MANBA: variants seen among roughly 807,000 people sequenced by gnomAD.
MANBA encodes the protein beta-mannosidase.
Under a neutral mutation model 111.1 loss-of-function variants are expected in MANBA, and 83 were observed. The ratio of observed to expected loss-of-function variants is 0.75; its 90% CI spans 0.63 to 0.90. The LOEUF (loss-of-function observed/expected upper bound fraction) is 0.90. MANBA is among the 40% of genes least tolerant of loss of function. The probability of loss-of-function intolerance (pLI) is 0.00; values close to 1 mark genes in which losing one functional copy is unlikely to be tolerated. For missense variants in MANBA, 1,036 were observed against 1,069.0 expected (o/e 0.97, Z 0.43); for synonymous variants, 370 against 378.7 (o/e 0.98, Z 0.27).
chr4:102,669,021 G>A lies in MANBA; in HGVS notation c.1259C>T (p.Ala420Val). 1 of 1,613,452 alleles carries A rather than the reference G, an allele frequency of 6.2e-7. No homozygotes were observed. The highest frequency in any genetic ancestry group is 8.5e-7 in the Non-Finnish European group (1 of 1,179,678). ...GAAGCCCTGATCAGTTGGATAAAGG[G>A]CACAGGCAAACATAAAATCCTGCCA... is the stretch of plus-strand genomic sequence containing the variant. ...MVWQDFMFAC[A>V]LYPTDQGFLD... The change falls in exon 10 of 17, where the codon GCC (alanine) becomes GTC (valine). Residue 420 changes from alanine to valine, a missense_variant. Coordinates refer to ENST00000647097, the MANE Select transcript of MANBA (RefSeq NM_005908.4).
intron 13 of MANBA, among the ~76,000 whole-genome samples, chr4:102,644,592 T>A (rs1286715939): frequency 6.6e-6 from 1 of 151,668 alleles, no homozygotes; most frequent in Non-Finnish European, 1.5e-5. Flanking sequence ...AAGCACAGAG[T>A]AGAATGGTGG....
intron 15 of MANBA, 140 bp downstream of exon 15, chr4:102,635,725 T>C (rs1729595496): frequency 7.3e-6 from 6 of 826,084 alleles, no homozygotes; most frequent in Non-Finnish European, 1.1e-5. Context: ...ACATGATTAA[T>C]GGCAGGGTTG....
At chr4:102,718,247 G>A (rs149424794) in intron 4 of MANBA, among the ~76,000 whole-genome samples, 28 of 152,318 alleles carry the variant, frequency 1.8e-4, no homozygotes, top group East Asian at 5.8e-4. Context: ...TCACAAGTGC[G>A]GTGTGGCGCA....
chr4:102,657,362 G>A (rs962847874), intron 12 of MANBA, among the ~76,000 whole-genome samples: 5 of 152,118 alleles, frequency 3.3e-5, no homozygotes, highest in Middle Eastern at 3.4e-3. Flanking sequence ...ATCTGTAAAC[G>A]GTAAAACAGT....
chr4:102,756,797 T>TAAAAAAAA (rs35787338), intron 1 of MANBA, among the ~76,000 whole-genome samples: 5 of 71,998 alleles, frequency 6.9e-5, no homozygotes, highest in Non-Finnish European at 7.8e-5. Flanking sequence ...AGAGACTATC[T>TAAAAAAAA]AAAAAAAAAA....
intron 11 of MANBA, among the ~76,000 whole-genome samples, chr4:102,663,789 T>G (rs1180336515): frequency 6.6e-6 from 1 of 152,174 alleles, no homozygotes; most frequent in African/African-American, 2.4e-5. Flanking sequence ...TAAACAAAGT[T>G]TTTCAAAAGT....
intron 4 of MANBA, 77 bp from the exon 5 acceptor site, chr4:102,714,638 A>C: frequency 1.4e-6 from 2 of 1,414,146 alleles, no homozygotes; most frequent in Non-Finnish European, 2.0e-6. Context: ...ATTTTCTTTA[A>C]AAATGTTACA....
At chr4:102,726,441 T>TG in intron 2 of MANBA, 148 bp downstream of exon 2, 1 of 613,686 alleles carries the variant, frequency 1.6e-6, no homozygotes, top group South Asian at 2.0e-5. Flanking sequence ...TTCATCTTAC[T>TG]TAACTCTCAG....
chr4:102,710,323 A>G (rs887934544), intron 5 of MANBA, among the ~76,000 whole-genome samples: 1 of 152,220 alleles, frequency 6.6e-6, no homozygotes, highest in African/African-American at 2.4e-5. Context: ...TGTAGGACAC[A>G]AAGTCAACAT....
At chr4:102,754,502 G>A (rs1723930818) in intron 1 of MANBA, among the ~76,000 whole-genome samples, 1 of 152,002 alleles carries the variant, frequency 6.6e-6, no homozygotes, top group Non-Finnish European at 1.5e-5. Context: ...TTTAATGCAG[G>A]TAAGAGCATC....
chr4:102,697,015 G>T (rs1452744552), intron 5 of MANBA, among the ~76,000 whole-genome samples: 1 of 152,084 alleles, frequency 6.6e-6, no homozygotes, highest in African/African-American at 2.4e-5. Flanking sequence ...TCTTCACCAA[G>T]CAGCAAGATC....
chr4:102,698,964 C>T (rs1297489127), intron 5 of MANBA, among the ~76,000 whole-genome samples: 1 of 152,186 alleles, frequency 6.6e-6, no homozygotes, highest in Non-Finnish European at 1.5e-5. Flanking sequence ...GCCATTTTCA[C>T]AATATTGATT....
intron 1 of MANBA, among the ~76,000 whole-genome samples, chr4:102,741,531 C>T (rs1723404171): frequency 6.6e-6 from 1 of 152,154 alleles, no homozygotes; most frequent in Non-Finnish European, 1.5e-5. Context: ...AAATATGAAA[C>T]CAGCCTAAAT....
intron 1 of MANBA, chr4:102,728,448 G>A (rs763385034): frequency 2.3e-6 from 1 of 434,914 alleles, no homozygotes; most frequent in Non-Finnish European, 4.4e-6. Context: ...ATTGAAGAGA[G>A]GGACTCTTTG....
At chr4:102,674,309 T>C (rs1403735934) in intron 7 of MANBA, among the ~76,000 whole-genome samples, 1 of 152,164 alleles carries the variant, frequency 6.6e-6, no homozygotes, top group Non-Finnish European at 1.5e-5. Context: ...AGAGCTACTG[T>C]AGTCTTCCAC....
intron 9 of MANBA, among the ~76,000 whole-genome samples, chr4:102,669,274 T>C (rs1731379247): frequency 6.6e-6 from 1 of 152,096 alleles, no homozygotes; most frequent in Admixed American, 6.5e-5. Flanking sequence ...GAGAAAATCC[T>C]AGGCAGGTAT....
intron 13 of MANBA, among the ~76,000 whole-genome samples, chr4:102,642,763 T>C (rs1401654898): frequency 6.6e-6 from 1 of 152,168 alleles, no homozygotes; most frequent in African/African-American, 2.4e-5. Flanking sequence ...TGGTGGTTGC[T>C]AGCTGTCTTC....
rs564277187 is a variant in MANBA, at chr4:102,667,324, A to C, written c.1317+1639T>G. On this transcript the variant is annotated intron_variant, in intron 10 of 16. Transcript: ENST00000647097. ...GAGAGGGAAAAATAGGATTTGAATT[A>C]GAGTAGTAAGCACGGGGGTGAGAAA... 2.0e-5 allele frequency: 3 copies of C among 152,332 alleles called. No individual in the cohort carries two copies. The South Asian group carries it at 6.2e-4, about 32-fold the overall frequency. 9.4% of individuals were successfully genotyped at this position (152,332 alleles called of 1,614,324 possible).
At chr4:102,695,573 C>A (rs539112459) in intron 5 of MANBA, among the ~76,000 whole-genome samples, 3 of 152,238 alleles carry the variant, frequency 2.0e-5, no homozygotes, top group South Asian at 4.2e-4. Context: ...AAAAGAACCA[C>A]AAAATGTTCG....
Sources: allele counts gnomAD v4.1 joint callset (sites outside exome capture counted in the v4.1 genomes callset), GRCh38; gene constraint gnomAD v4.1.1; transcripts MANE v1.5; gene names NCBI Gene and HGNC (gene_info 2026-07-23, HGNC 2026-07-21).